Variants in IQCN observed in about 807,000 individuals in gnomAD.
IQCN encodes IQ motif containing N.
Under a neutral mutation model 64.4 loss-of-function variants are expected in IQCN, and 46 were observed. The ratio of observed to expected loss-of-function variants is 0.71; its 90% CI spans 0.56 to 0.91. IQCN has a LOEUF of 0.91. IQCN is among the 40% of genes least tolerant of loss of function. The pLI is 0.00. For missense variants in IQCN, 1,753 were observed against 1,857.4 expected, an observed-to-expected ratio of 0.94 and a Z score of 1.03; for synonymous variants, 733 against 775.6, an observed-to-expected ratio of 0.95 and a Z score of 0.91.
rs75447638 is a variant in IQCN at position 18,257,840 on chromosome 19, G to A, written c.3444C>T (p.Arg1148=). 890 of 1,611,602 alleles carry A rather than the reference G, an allele frequency of 5.5e-4. 11 individuals are homozygous for A. The East Asian group carries it at 0.018, about 32-fold the overall frequency. Residue 1148 remains arginine (R), a synonymous_variant, in exon 4 of 4, where the codon CGC becomes CGT. Transcript: ENST00000392413. The part of the protein sequence containing the change: ...RGAMVIQATW[R]GYRVRRNLAH... The stretch of plus-strand genomic sequence containing the variant: ...CCAGGTTCCGCCGCACACGGTAGCC[G>A]CGCCAAGTAGCTTGGATGACCATGG...
At position 18,269,498 on chromosome 19, in the gene IQCN, G is replaced by C. The variant is rs1969687432; in HGVS notation, c.-20C>G. 6.2e-7 allele frequency: 1 copy of C among 1,613,830 alleles called. No homozygotes were observed. The highest frequency in any genetic ancestry group is 1.3e-5 in the African/African-American group (1 of 75,014). On this transcript the variant is annotated 5_prime_UTR_variant, in exon 2 of 4. Coordinates refer to ENST00000392413, the MANE Select transcript of IQCN (RefSeq NM_001145304.2). The stretch of plus-strand genomic sequence containing the variant: ...GGTCATAGATTTGGAGGAGTAGCAG[G>C]AGAAGAAGGTGCAATCTCAGAAGCC...
chr19:18,266,856 A>G lies in IQCN; in HGVS notation c.684T>C (p.His228=). Residue 228 remains histidine, a synonymous_variant, in exon 3 of 4, where the codon CAT becomes CAC. Coordinates refer to ENST00000392413, the MANE Select transcript of IQCN (RefSeq NM_001145304.2). The surrounding 1 kb of genome is among the most constrained non-coding windows in gnomAD (Gnocchi z 4.3). The part of the protein sequence containing the change: ...GTPEPCVQGP[H]AARVRGLAFL... ...AGGCCAGCCCCCGGACTCTGGCAGCATGAGGACCCTGCACACAGGGCTCTG... is the reference window on the plus strand; with the variant it reads ...AGGCCAGCCCCCGGACTCTGGCAGCGTGAGGACCCTGCACACAGGGCTCTG... 2 of 1,613,708 alleles carry G rather than the reference A, an allele frequency of 1.2e-6. No homozygotes were observed. The highest frequency in any genetic ancestry group is 1.7e-6 in the Non-Finnish European group (2 of 1,179,774).
At position 18,257,388 on chromosome 19, in the gene IQCN, C is replaced by G. The variant is rs562355836; in HGVS notation, c.3896G>C (p.Arg1299Pro). 2 of 1,611,196 alleles carry G rather than the reference C, an allele frequency of 1.2e-6. No individual in the cohort carries two copies. The highest frequency in any genetic ancestry group is 1.1e-5 in the South Asian group (1 of 90,984). Residue 1299 changes from arginine to proline, a missense_variant, in exon 4 of 4, where the codon CGC becomes CCC. Transcript: ENST00000392413. ...GATGGCTGTGGCCGCTTTGTCCTGGCGATGCGGCTGCCTGGGACTCAGGGC... is the reference window on the plus strand; with the variant it reads ...GATGGCTGTGGCCGCTTTGTCCTGGGGATGCGGCTGCCTGGGACTCAGGGC... Reference protein sequence around the residue: ...LAALSPRQPHRQDKAATAIQS... With the variant: ...LAALSPRQPHPQDKAATAIQS...
At chr19:18,260,775 G>C (rs1410139818) in intron 3 of IQCN, 1 of 153,060 alleles carries the variant, frequency 6.5e-6, no homozygotes, top group African/African-American at 2.4e-5. Flanking sequence ...GGGTCCTGAT[G>C]GGTGGGCTAG....
intron 2 of IQCN, 36 bp downstream of exon 2, chr19:18,269,430 C>G (rs753065414): frequency 1.2e-6 from 2 of 1,610,960 alleles, no homozygotes; most frequent in Non-Finnish European, 1.7e-6. Flanking sequence ...TCAGGTTGGA[C>G]TAGCCAGACC....
intron 1 of IQCN, 110 bp from the exon 2 acceptor site, chr19:18,269,697 A>T (rs942072734): frequency 5.8e-6 from 3 of 520,770 alleles, no homozygotes; most frequent in Middle Eastern, 5.1e-4. Flanking sequence ...ATGTGCAAAG[A>T]TGAGGAAATT....
At chr19:18,270,576 T>C (rs1969713842) in intron 1 of IQCN, among the ~76,000 whole-genome samples, 1 of 151,784 alleles carries the variant, frequency 6.6e-6, no homozygotes, top group Non-Finnish European at 1.5e-5. Flanking sequence ...GGAGGATCAT[T>C]TGAGGCCAGG....
Position 18,265,264 on chromosome 19 carries a change from G to A in IQCN, c.2276C>T (p.Ala759Val), listed in dbSNP as rs750849385. 4.3e-5 allele frequency: 70 copies of A among 1,613,674 alleles called. No homozygotes were observed. In the Admixed American group the frequency reaches 7.8e-4, roughly 18 times the overall value. ...GCTGCTGAGATCAGCAGCCTGGTGC[G>A]CTGGGATGAGGCACGTGGTTATGTC... ...ITDITTCLIPAHQAADLSSNT... is the reference protein window; with the variant it reads ...ITDITTCLIPVHQAADLSSNT... Residue 759 changes from alanine to valine, a missense_variant, in exon 3 of 4, where the codon GCG (alanine) becomes GTG (valine). Physicochemically the swap from Ala to Val is moderately conservative, Grantham distance 64. Coordinates refer to ENST00000392413, the MANE Select transcript of IQCN (RefSeq NM_001145304.2). This position sits in a 1 kb window ranked among gnomAD's most constrained non-coding sequence, Gnocchi z 4.7.
In IQCN at chr19:18,267,543, G is replaced by T. The variant is rs1969630732; in HGVS notation, c.14-17C>A. The T allele has an allele frequency of 1.3e-6, 2 of 1,511,388 alleles. No individual in the cohort carries two copies. The highest frequency in any genetic ancestry group is 2.3e-5 in the Admixed American group (1 of 43,888). 93.6% of individuals were successfully genotyped at this position (1,511,388 alleles called of 1,614,324 possible). ...CAGCTCTGCCTGTGGGGGCGGCAGG[G>T]GGTGGTCAGGGTGTAGCAGGTCCTG... On this transcript the variant is annotated splice_polypyrimidine_tract_variant and intron_variant, in intron 2 of 3. Transcript: ENST00000392413.
intron 2 of IQCN, 111 bp from the exon 3 acceptor site, chr19:18,267,637 G>T: frequency 1.5e-6 from 2 of 1,321,022 alleles, no homozygotes; most frequent in Non-Finnish European, 2.0e-6. Context: ...CTGGCACGTT[G>T]CGATCTTCCG....
At chr19:18,258,518 T>C (rs1215672053) in intron 3 of IQCN, 1 of 438,752 alleles carries the variant, frequency 2.3e-6, no homozygotes, top group Non-Finnish European at 4.6e-6. Flanking sequence ...GAGCCATGTT[T>C]CCAGACACTG....
rs1258341855 is a variant in IQCN at position 18,266,380 on chromosome 19, A to C, written c.1160T>G (p.Val387Gly). 6.2e-7 allele frequency: 1 copy of C among 1,607,086 alleles called. No homozygotes were observed. Among genetic ancestry groups the C allele is most frequent in the Non-Finnish European group, 8.5e-7 (1 of 1,176,918 alleles). The change falls in exon 3 of 4, where the codon GTG (valine) becomes GGG (glycine). Residue 387 changes from valine to glycine, a missense_variant. By Grantham distance (109) the Val-to-Gly change is moderately radical. Coordinates refer to ENST00000392413, the MANE Select transcript of IQCN (RefSeq NM_001145304.2). The surrounding 1 kb of genome is among the most constrained non-coding windows in gnomAD (Gnocchi z 4.3). ...TPAQMYPGPT[V>G]TKTAPHTCPM... is the part of the protein sequence containing the mutation. ...GCATGTGTGAGGTGCAGTTTTGGTC[A>C]CTGTGGGCCCCGGATACATCTGGGC...
chr19:18,260,145 A>G (rs1341679514), intron 3 of IQCN: 1 of 152,510 alleles, frequency 6.6e-6, no homozygotes, highest in African/African-American at 2.4e-5. Flanking sequence ...AACACTAACC[A>G]CAGAGGGTGG....
At chr19:18,260,333 G>C (rs941449705) in intron 3 of IQCN, 3 of 152,536 alleles carry the variant, frequency 2.0e-5, no homozygotes, top group Admixed American at 2.0e-4. Context: ...CAGCCACAGA[G>C]GGATATGGTC....
chr19:18,269,069 G>T (rs1057186927), intron 2 of IQCN, among the ~76,000 whole-genome samples: 18 of 151,886 alleles, frequency 1.2e-4, no homozygotes, highest in Non-Finnish European at 2.2e-4. Flanking sequence ...GGAGGAGGTT[G>T]CAGTGAGCCA....
At chr19:18,269,403 G>C in intron 2 of IQCN, 63 bp downstream of exon 2, 2 of 1,550,992 alleles carry the variant, frequency 1.3e-6, no homozygotes, top group South Asian at 2.2e-5. Flanking sequence ...ACACTTGTTT[G>C]GCAGAAGCCC....
rs1224078143 is a variant in IQCN at position 18,267,351 on chromosome 19, C to T, written c.189G>A (p.Glu63=). Residue 63 remains glutamate (E), a synonymous_variant, in exon 3 of 4, where the codon GAG becomes GAA. Coordinates refer to ENST00000392413, the MANE Select transcript of IQCN (RefSeq NM_001145304.2). ...QPQHEGLKSK[E]HLPQQPAEGK... ...CTTCGGCAGGCTGTTGCGGAAGATG[C>T]TCCTTGGACTTGAGGCCCTCGTGCT... 3.7e-6 allele frequency: 6 copies of T among 1,613,750 alleles called. No homozygotes were observed. The highest frequency in any genetic ancestry group is 2.2e-5 in the East Asian group (1 of 44,874).
rs940767539 is a variant in IQCN at position 18,258,024 on chromosome 19, G to T, written c.3260C>A (p.Thr1087Asn). The T allele has an allele frequency of 1.9e-6, 3 of 1,612,630 alleles. No individual in the cohort carries two copies. The Admixed American group carries it at 5.0e-5, about 27-fold the overall frequency. The change falls in exon 4 of 4, where the codon ACC (threonine) becomes AAC (asparagine). Residue 1087 changes from threonine to asparagine, a missense_variant. Thr to Asn is a moderately conservative substitution (Grantham distance 65, BLOSUM62 0). Coordinates refer to ENST00000392413, the MANE Select transcript of IQCN (RefSeq NM_001145304.2). ...EPARGAASWDTWRNKAVVPPR... is the reference protein window; with the variant it reads ...EPARGAASWDNWRNKAVVPPR... The stretch of plus-strand genomic sequence containing the variant: ...AGGCACCACCGCCTTGTTGCGCCAG[G>T]TGTCCCAGGACGCAGCACCCCTGGC...
rs1969624773 is a variant in IQCN, at chr19:18,267,365, G to T, written c.175C>A (p.Leu59Ile). The change falls in exon 3 of 4, where the codon CTC becomes ATC. Residue 59 changes from leucine to isoleucine, a missense_variant. Transcript: ENST00000392413. ...KAPPQPQHEG[L>I]KSKEHLPQQP... ...TGCGGAAGATGCTCCTTGGACTTGA[G>T]GCCCTCGTGCTGGGGCTGTGGAGGC... The T allele has an allele frequency of 6.2e-7, 1 of 1,613,058 alleles. No individual in the cohort carries two copies. The highest frequency in any genetic ancestry group is 8.5e-7 in the Non-Finnish European group (1 of 1,179,332).
Sources: gnomAD v4.1 joint callset for allele counts (sites outside exome capture counted in the v4.1 genomes callset) on GRCh38, gnomAD v4.1.1 for gene constraint, Gnocchi (gnomAD v3.1) non-coding constraint, MANE v1.5 for transcripts, NCBI Gene and HGNC (gene_info 2026-07-23, HGNC 2026-07-21) for gene names.